Variants in ZNF469 observed in about 807,000 individuals in gnomAD.
ZNF469 encodes zinc finger protein 469.
ZNF469 carries 1 observed loss-of-function variant against 1.0 expected under a neutral mutation model. That is an observed-to-expected ratio of 1.00 (90% CI 0.35 to 4.73). The LOEUF (loss-of-function observed/expected upper bound fraction) is 4.73, where lower values mean the gene tolerates loss of function less well. ZNF469 is among the 30% of genes most tolerant of loss of function. The pLI is 0.16. For synonymous variants in ZNF469, 2,703 were observed against 2,363.4 expected (o/e 1.14, Z -4.17); for missense variants, 6,100 against 5,356.3 (o/e 1.14, Z -4.33).
the ZNF469 span, among the ~76,000 whole-genome samples, chr16:88,239,239 A>G: frequency 2.0e-5 from 3 of 152,272 alleles, no homozygotes; most frequent in African/African-American, 7.2e-5. Context: ...TCATTTTATA[A>G]TCCAGAGTTG....
chr16:88,372,537 TATC>T, the ZNF469 span, among the ~76,000 whole-genome samples: 1 of 141,682 alleles, frequency 7.1e-6, no homozygotes, highest in East Asian at 2.3e-4. Flanking sequence ...CTATCACCAC[TATC>T]ATCACCATCT....
the ZNF469 span, among the ~76,000 whole-genome samples, chr16:88,169,491 A>G: frequency 6.6e-6 from 1 of 152,102 alleles, no homozygotes; most frequent in South Asian, 2.1e-4. This position sits in a 1 kb window ranked among gnomAD's most constrained non-coding sequence, Gnocchi z 6.1. Context: ...CCAGTACGCA[A>G]CCTTTCACCT....
At chr16:88,104,300 C>G in the ZNF469 span, among the ~76,000 whole-genome samples, 4 of 151,370 alleles carry the variant, frequency 2.6e-5, no homozygotes, top group East Asian at 1.9e-4. Context: ...GCTTCACATA[C>G]CATAGAGTTC....
intron 1 of ZNF469, among the ~76,000 whole-genome samples, chr16:88,400,805 T>C (rs139479703): frequency 1.7e-3 from 254 of 152,008 alleles, no homozygotes; most frequent in African/African-American, 5.5e-3. Flanking sequence ...GCAGAATCTC[T>C]TCAGATCGTG....
the ZNF469 span, among the ~76,000 whole-genome samples, chr16:88,180,939 A>G: frequency 6.6e-6 from 1 of 152,218 alleles, no homozygotes; most frequent in East Asian, 1.9e-4. Context: ...TACTCCTCCA[A>G]TACTCCTCTC....
chr16:88,434,011 G>C lies in ZNF469; in HGVS notation c.6541G>C (p.Val2181Leu). Residue 2181 changes from valine (V) to leucine (L), a missense_variant, in exon 3 of 3, where the codon GTC (valine) becomes CTC (leucine). Val to Leu is a conservative substitution (Grantham distance 32, BLOSUM62 1). Coordinates refer to ENST00000565624, the MANE Select transcript of ZNF469 (RefSeq NM_001367624.2). ...AWAPLEEADG[V>L]QATTDTGAED... The stretch of plus-strand genomic sequence containing the variant: ...GGCACCTCTGGAAGAGGCAGATGGC[G>C]TCCAAGCCACGACAGATACTGGGGC... The C allele has an allele frequency of 6.5e-7, 1 of 1,550,258 alleles. No individual in the cohort carries two copies. Among genetic ancestry groups the C allele is most frequent in the Non-Finnish European group, 8.7e-7 (1 of 1,146,898 alleles).
the ZNF469 span, among the ~76,000 whole-genome samples, chr16:88,134,286 C>T: frequency 1.3e-5 from 2 of 152,312 alleles, no homozygotes; most frequent in African/African-American, 4.8e-5. Flanking sequence ...TGCTTTGTTC[C>T]TTTTCATGGC....
At chr16:88,330,385 G>A in the ZNF469 span, among the ~76,000 whole-genome samples, 2 of 152,232 alleles carry the variant, frequency 1.3e-5, no homozygotes, top group Non-Finnish European at 1.5e-5. Context: ...TGGTGCCATA[G>A]CCACGCCTTC....
chr16:88,250,482 G>C, the ZNF469 span, among the ~76,000 whole-genome samples: 1 of 151,984 alleles, frequency 6.6e-6, no homozygotes, highest in Non-Finnish European at 1.5e-5. Flanking sequence ...ATCCTGCCCG[G>C]GCTTCACTGA....
At chr16:88,258,466 G>A in the ZNF469 span, among the ~76,000 whole-genome samples, 1 of 138,330 alleles carries the variant, frequency 7.2e-6, no homozygotes, top group Non-Finnish European at 1.5e-5. Context: ...TCTCTGCCAG[G>A]GATAGGGGCC....
chr16:88,138,826 C>T, the ZNF469 span, among the ~76,000 whole-genome samples: 2 of 152,248 alleles, frequency 1.3e-5, no homozygotes, highest in East Asian at 3.8e-4. Flanking sequence ...GTTGGCCTTG[C>T]TGCTACTTTT....
At chr16:88,279,234 C>G in the ZNF469 span, among the ~76,000 whole-genome samples, 51 of 124,786 alleles carry the variant, frequency 4.1e-4, no homozygotes, top group African/African-American at 1.3e-3. Context: ...TATCACTGCA[C>G]GGTTAGTGCT....
chr16:88,136,131 T>C, the ZNF469 span, among the ~76,000 whole-genome samples: 1 of 152,196 alleles, frequency 6.6e-6, no homozygotes, highest in South Asian at 2.1e-4. Context: ...CCTGGACCTA[T>C]GAACGTGCAG....
the ZNF469 span, among the ~76,000 whole-genome samples, chr16:88,296,692 A>C: frequency 6.6e-6 from 1 of 151,486 alleles, no homozygotes; most frequent in Non-Finnish European, 1.5e-5. Context: ...GTGCACACTC[A>C]CATGTGCAGA....
At chr16:88,116,722 CA>C in the ZNF469 span, among the ~76,000 whole-genome samples, 1 of 152,134 alleles carries the variant, frequency 6.6e-6, no homozygotes, top group Non-Finnish European at 1.5e-5. Context: ...AAGCCGACCT[CA>C]AAAAGCCTGT....
chr16:88,419,038 C>A (rs768618674), intron 1 of ZNF469, among the ~76,000 whole-genome samples: 27 of 152,346 alleles, frequency 1.8e-4, no homozygotes, highest in Non-Finnish European at 2.6e-4. Flanking sequence ...GTGTGATGGG[C>A]AGACACGATG....
intron 2 of ZNF469, among the ~76,000 whole-genome samples, chr16:88,426,957 C>G (rs919884043): frequency 2.6e-5 from 4 of 152,174 alleles, no homozygotes; most frequent in Non-Finnish European, 5.9e-5. Context: ...TGGGGCAGTT[C>G]CTGCAGGCTG....
chr16:88,248,102 CA>C, the ZNF469 span, among the ~76,000 whole-genome samples: 1 of 152,030 alleles, frequency 6.6e-6, no homozygotes, highest in East Asian at 1.9e-4. Flanking sequence ...AGATGAGAGC[CA>C]GAGAACCAGT....
the ZNF469 span, among the ~76,000 whole-genome samples, chr16:88,131,879 G>T: frequency 6.6e-6 from 1 of 152,108 alleles, no homozygotes; most frequent in East Asian, 1.9e-4. Context: ...TGGGTGGCTT[G>T]GGGCGCCCAC....
Sources: gnomAD v4.1 joint callset for allele counts (sites outside exome capture counted in the v4.1 genomes callset) on GRCh38, gnomAD v4.1.1 for gene constraint, Gnocchi (gnomAD v3.1) non-coding constraint, MANE v1.5 for transcripts, NCBI Gene and HGNC (gene_info 2026-07-23, HGNC 2026-07-21) for gene names.